Variants in DERL3 observed in about 807,000 individuals in gnomAD.
The protein encoded by DERL3 is derlin 3.
Under a neutral mutation model 23.8 loss-of-function variants are expected in DERL3, and 20 were observed. That is an observed-to-expected ratio of 0.84 (90% CI 0.59 to 1.22). The LOEUF (loss-of-function observed/expected upper bound fraction) is 1.22. DERL3 is among the 50% of genes most tolerant of loss of function. The pLI is 0.00. For synonymous variants in DERL3, 145 were observed against 132.5 expected, an observed-to-expected ratio of 1.09 and a Z score of -0.65; for missense variants, 319 against 304.1, an observed-to-expected ratio of 1.05 and a Z score of -0.36.
chr22:23,838,867 G>A (rs2146073922), intron 1 of DERL3, 28 bp downstream of exon 1: 1 of 1,551,242 alleles, frequency 6.4e-7, no homozygotes. Flanking sequence ...TGTAACCAAG[G>A]CGACGTCCGG....
At position 23,836,878 on chromosome 22, in the gene DERL3, C is replaced by T. The variant is rs993370589; in HGVS notation, c.699G>A (p.Pro233=). ...TGGCCCTGGGTGGGGGTCACTGCTG[C>T]GGGGGTGGCAGATGGGGTCCTGGCT... ...EEQPGPHLPP[P]QQ is the part of the protein sequence containing the mutation. Residue 233 remains proline, a synonymous_variant, in exon 7 of 7, where the codon CCG becomes CCA. Transcript: ENST00000318109. 1.4e-5 allele frequency: 20 copies of T among 1,470,622 alleles called. No homozygotes were observed. The highest frequency in any genetic ancestry group is 5.0e-5 in the East Asian group (2 of 39,924). 91.1% of individuals were successfully genotyped at this position (1,470,622 alleles called of 1,614,324 possible). A position where few individuals can be genotyped will look rare whatever the true frequency, so the allele number is the denominator to read the frequency against.
intron 4 of DERL3, 169 bp downstream of exon 4, chr22:23,838,183 G>A: frequency 6.5e-7 from 1 of 1,545,478 alleles, no homozygotes; most frequent in East Asian, 2.4e-5. Flanking sequence ...CAGCACTGAA[G>A]ATCTAGCCCT....
Position 23,837,835 on chromosome 22 carries a change from C to A in DERL3, c.347G>T (p.Ser116Ile). The part of the protein sequence containing the change: ...VLMTLLGLLG[S>I]LFFLGQALMA... ...GAGGGCCTGGCCCAGGAAGAACAGGCTGCCCAGGAGTCCCAGCAGCTGGGC... is the reference window on the plus strand; with the variant it reads ...GAGGGCCTGGCCCAGGAAGAACAGGATGCCCAGGAGTCCCAGCAGCTGGGC... Residue 116 changes from serine (S) to isoleucine (I), a missense_variant, in exon 5 of 7, where the codon AGC (serine) becomes ATC (isoleucine). Physicochemically the swap from Ser to Ile is moderately radical, Grantham distance 142 (BLOSUM62 -2). Transcript: ENST00000318109. 1 of 1,613,100 alleles carries A rather than the reference C, an allele frequency of 6.2e-7. No homozygotes were observed. Among genetic ancestry groups the A allele is most frequent in the South Asian group, 1.1e-5 (1 of 91,054 alleles).
rs117741234 is a variant in DERL3, at chr22:23,838,353, G to C, written c.326C>G (p.Thr109Ser). 1.9e-6 allele frequency: 3 copies of C among 1,603,414 alleles called. No homozygotes were observed. The highest frequency in any genetic ancestry group is 2.6e-6 in the Non-Finnish European group (3 of 1,175,230). ...TTCCAGAGCCTGCGGGAAGGATACGGTCATAAGGACGCCCCCGAAGAGAAA... is the reference window on the plus strand; with the variant it reads ...TTCCAGAGCCTGCGGGAAGGATACGCTCATAAGGACGCCCCCGAAGAGAAA... ...FMFLFGGVLM[T>S]LLGLLGSLFF... The change falls in exon 4 of 7, where the codon ACC becomes AGC. Residue 109 changes from threonine (T) to serine (S), a missense_variant and splice_region_variant. Transcript: ENST00000318109.
At chr22:23,838,541 C>T in intron 3 of DERL3, 23 bp downstream of exon 3, 2 of 1,578,296 alleles carry the variant, frequency 1.3e-6, no homozygotes, top group Non-Finnish European at 1.7e-6. Flanking sequence ...CCACCCAGCC[C>T]GTGTCCGCAG....
rs1249894415 is a variant in DERL3 at position 23,837,855 on chromosome 22, C to G, written c.328-1G>C. 2 of 1,610,582 alleles carry G rather than the reference C, an allele frequency of 1.2e-6. No homozygotes were observed. Among genetic ancestry groups the G allele is most frequent in the Non-Finnish European group, 1.7e-6 (2 of 1,178,012 alleles). ...ACAGGCTGCCCAGGAGTCCCAGCAG[C>G]TGGGCCAGAGTCAAGGTGCTCCGGT... is the stretch of plus-strand genomic sequence containing the variant. On this transcript the variant is annotated splice_acceptor_variant, in intron 4 of 6. Coordinates refer to ENST00000318109, the MANE Select transcript of DERL3 (RefSeq NM_001002862.3). LOFTEE classifies it high-confidence loss of function.
chr22:23,835,565 G>A lies in DERL3; in HGVS notation c.*1304C>T, dbSNP rs2030980515. On this transcript the variant is annotated 3_prime_UTR_variant, in exon 7 of 7. Coordinates refer to ENST00000318109, the MANE Select transcript of DERL3 (RefSeq NM_001002862.3). ...ACTCTTCCCAGGGAGTTTGCACTCA[G>A]GGCCTCTGCCCTCCATCAAAGAGTG... 3 of 985,404 alleles carry A rather than the reference G, an allele frequency of 3.0e-6. No homozygotes were observed. The highest frequency in any genetic ancestry group is 3.6e-6 in the Non-Finnish European group (3 of 829,978). The allele number at this position is 985,404 out of a possible 1,614,324, so 61.0% of individuals were successfully genotyped here. A position where few individuals can be genotyped will look rare whatever the true frequency, so the allele number is the denominator to read the frequency against.
At chr22:23,838,852 G>A (rs1437752356) in intron 1 of DERL3, 43 bp downstream of exon 1, 2 of 1,550,978 alleles carry the variant, frequency 1.3e-6, no homozygotes, top group African/African-American at 1.4e-5. Context: ...CCTCCCGCCA[G>A]AGGCTGTAAC....
chr22:23,838,531 C>A, intron 3 of DERL3, 33 bp downstream of exon 3: 1 of 1,575,422 alleles, frequency 6.3e-7, no homozygotes. Flanking sequence ...GGCCTGCCCT[C>A]CACCCAGCCC....
Position 23,838,975 on chromosome 22 carries a change from C to A in DERL3, c.13G>T (p.Gly5Ter). 1 of 1,575,250 alleles carries A rather than the reference C, an allele frequency of 6.3e-7. No individual in the cohort carries two copies. Among genetic ancestry groups the A allele is most frequent in the East Asian group, 2.3e-5 (1 of 43,266 alleles). The change falls in exon 1 of 7, where the codon GGA becomes TGA. Residue 5 changes from glycine to a stop codon, truncating the protein, a stop_gained. Coordinates refer to ENST00000318109, the MANE Select transcript of DERL3 (RefSeq NM_001002862.3). LOFTEE classifies it high-confidence loss of function. ...ACCTGCAGGAACTCGGCCGCTAGTC[C>A]CTGCCACGCCATTGAACCTTCTCAA... MAWQ[G>*]LAAEFLQVPA...
At position 23,836,862 on chromosome 22, in the gene DERL3, G is replaced by A; in HGVS notation, c.*7C>T. On this transcript the variant is annotated 3_prime_UTR_variant, in exon 7 of 7. Transcript: ENST00000318109. ...AGAAGCCTCTTAGGCCTGGCCCTGG[G>A]TGGGGGTCACTGCTGCGGGGGTGGC... is the stretch of plus-strand genomic sequence containing the variant. 1.4e-5 allele frequency: 20 copies of A among 1,459,082 alleles called. No homozygotes were observed. The highest frequency in any genetic ancestry group is 1.8e-5 in the Non-Finnish European group (20 of 1,104,396). 90.4% of individuals were successfully genotyped at this position (1,459,082 alleles called of 1,614,324 possible).
chr22:23,838,015 G>A (rs2031241383), intron 4 of DERL3, 161 bp from the exon 5 acceptor site: 3 of 1,289,754 alleles, frequency 2.3e-6, no homozygotes, highest in Non-Finnish European at 2.1e-6. Flanking sequence ...CGGGCTTCAG[G>A]TCCCACGAAA....
chr22:23,835,820 C>A lies in DERL3; in HGVS notation c.*1049G>T. 1.0e-6 allele frequency: 1 copy of A among 985,448 alleles called. No homozygotes were observed. The highest frequency in any genetic ancestry group is 1.2e-6 in the Non-Finnish European group (1 of 829,954). The allele number at this position is 985,448 out of a possible 1,614,324, so 61.0% of individuals were successfully genotyped here. A position where few individuals can be genotyped will look rare whatever the true frequency, so the allele number is the denominator to read the frequency against. Reference sequence around the variant, plus strand: ...ACCTTGGCTGCCTCACCCCACAGGTCGGGCAGGGCCACCTGGCTGGGAGGT... The same window carrying A: ...ACCTTGGCTGCCTCACCCCACAGGTAGGGCAGGGCCACCTGGCTGGGAGGT... On this transcript the variant is annotated 3_prime_UTR_variant, in exon 7 of 7. Coordinates refer to ENST00000318109, the MANE Select transcript of DERL3 (RefSeq NM_001002862.3).
At position 23,837,659 on chromosome 22, in the gene DERL3, C is replaced by T. The variant is rs1445333162; in HGVS notation, c.523G>A (p.Gly175Arg). Residue 175 changes from glycine to arginine, a missense_variant and splice_region_variant, in exon 5 of 7, where the codon GGG becomes AGG. Transcript: ENST00000318109. ...GGACTAGATGTACCGGGAGGCTCACCCAGCAGGTCCACGAGGATGGAGTTG... is the reference window on the plus strand; with the variant it reads ...GGACTAGATGTACCGGGAGGCTCACTCAGCAGGTCCACGAGGATGGAGTTG... The part of the protein sequence containing the change: ...LGNSILVDLL[G>R]IAVGHIYYFL... 1 of 1,611,712 alleles carries T rather than the reference C, an allele frequency of 6.2e-7. No individual in the cohort carries two copies. Among genetic ancestry groups the T allele is most frequent in the Admixed American group, 1.7e-5 (1 of 59,940 alleles).
chr22:23,836,034 G>A lies in DERL3; in HGVS notation c.*835C>T, dbSNP rs2031021943. 1 of 985,398 alleles carries A rather than the reference G, an allele frequency of 1.0e-6. No homozygotes were observed. Among genetic ancestry groups the A allele is most frequent in the Admixed American group, 6.1e-5 (1 of 16,262 alleles). 61.0% of individuals were successfully genotyped at this position (985,398 alleles called of 1,614,324 possible). Reference sequence around the variant, plus strand: ...CCAGAAATAAACCACAACATGGACAGGCTTAGAACAACAAGGAAAGCTGCC... The same window carrying A: ...CCAGAAATAAACCACAACATGGACAAGCTTAGAACAACAAGGAAAGCTGCC... On this transcript the variant is annotated 3_prime_UTR_variant, in exon 7 of 7. Transcript: ENST00000318109.
In DERL3 at chr22:23,835,242, G is replaced by A. The variant is rs1268521442; in HGVS notation, c.*1627C>T. 3.5e-6 allele frequency: 4 copies of A among 1,158,546 alleles called. No homozygotes were observed. The African/African-American group carries it at 6.4e-5, about 18-fold the overall frequency. 71.8% of individuals were successfully genotyped at this position (1,158,546 alleles called of 1,614,324 possible). A position where few individuals can be genotyped will look rare whatever the true frequency, so the allele number is the denominator to read the frequency against. Reference sequence around the variant, plus strand: ...CTGTTCTCATCTGTAATAGGGAGGTGTCCCCATTCTTCAGAATGGACACAG... The same window carrying A: ...CTGTTCTCATCTGTAATAGGGAGGTATCCCCATTCTTCAGAATGGACACAG... On this transcript the variant is annotated 3_prime_UTR_variant, in exon 7 of 7. Transcript: ENST00000318109.
rs1474741323 is a variant in DERL3, at chr22:23,838,449, C to T, written c.234-4G>A. Reference sequence around the variant, plus strand: ...CAGCATGCGGCAGTAGCGGAACCTACGGCGTCGGTATAGGAAGTGCCACCA... The same window carrying T: ...CAGCATGCGGCAGTAGCGGAACCTATGGCGTCGGTATAGGAAGTGCCACCA... On this transcript the variant is annotated splice_polypyrimidine_tract_variant and splice_region_variant and intron_variant, in intron 3 of 6. Transcript: ENST00000318109. 4 of 1,598,982 alleles carry T rather than the reference C, an allele frequency of 2.5e-6. No homozygotes were observed. The highest frequency in any genetic ancestry group is 1.1e-5 in the South Asian group (1 of 88,798).
chr22:23,834,821 T>G lies in DERL3; in HGVS notation c.*2048A>C. On this transcript the variant is annotated 3_prime_UTR_variant, in exon 7 of 7. Coordinates refer to ENST00000318109, the MANE Select transcript of DERL3 (RefSeq NM_001002862.3). ...ACAGCCCTAACCCTGCTCCCCTTGCTTGGCCTCAGGAAGGTGCCGCGAGCT... is the reference window on the plus strand; with the variant it reads ...ACAGCCCTAACCCTGCTCCCCTTGCGTGGCCTCAGGAAGGTGCCGCGAGCT... The G allele has an allele frequency of 6.2e-7, 1 of 1,610,078 alleles. No individual in the cohort carries two copies. The highest frequency in any genetic ancestry group is 8.5e-7 in the Non-Finnish European group (1 of 1,178,504).
chr22:23,835,132 C>T lies in DERL3; in HGVS notation c.*1737G>A, dbSNP rs2030939353. On this transcript the variant is annotated 3_prime_UTR_variant, in exon 7 of 7. Transcript: ENST00000318109. ...GGGAATAGCCCTCCCGGCCTGGTGC[C>T]AGCTCTTGGAGTTGACACGGTACAG... is the stretch of plus-strand genomic sequence containing the variant. 19 of 1,370,068 alleles carry T rather than the reference C, an allele frequency of 1.4e-5. No homozygotes were observed. The highest frequency in any genetic ancestry group is 1.7e-5 in the Non-Finnish European group (18 of 1,064,816). 84.9% of individuals were successfully genotyped at this position (1,370,068 alleles called of 1,614,324 possible). A position where few individuals can be genotyped will look rare whatever the true frequency, so the allele number is the denominator to read the frequency against.
Sources: allele counts gnomAD v4.1 joint callset, GRCh38; gene constraint gnomAD v4.1.1; transcripts MANE v1.5; gene names NCBI Gene and HGNC (gene_info 2026-07-23, HGNC 2026-07-21).